LPAR1: variants seen among roughly 807,000 people sequenced by gnomAD.
LPAR1 encodes the protein LPA receptor 1.
LPAR1 carries 5 observed loss-of-function variants against 23.8 expected under a neutral mutation model. The observed-to-expected ratio is 0.21, with a 90% CI of 0.11 to 0.44. LPAR1 has a LOEUF of 0.44. LPAR1 is among the 20% of genes least tolerant of loss of function. The probability of loss-of-function intolerance (pLI) is 0.99; values close to 1 mark genes in which losing one functional copy is unlikely to be tolerated. For missense variants in LPAR1, 311 were observed against 482.8 expected (o/e 0.64, Z 3.33); for synonymous variants, 160 against 164.7 (o/e 0.97, Z 0.22).
chr9:110,893,891 G>A (rs1456571929), intron 5 of LPAR1, among the ~76,000 whole-genome samples: 11 of 152,012 alleles, frequency 7.2e-5, no homozygotes, highest in South Asian at 6.2e-4. Flanking sequence ...GGTCTAAGAC[G>A]GAGGAAAAAA....
intron 5 of LPAR1, among the ~76,000 whole-genome samples, chr9:110,907,041 C>T (rs901729797): frequency 6.6e-6 from 1 of 152,044 alleles, no homozygotes; most frequent in African/African-American, 2.4e-5. Flanking sequence ...CTACATGCAG[C>T]TAATTTCAAA....
chr9:110,961,952 T>C (rs990644970), intron 4 of LPAR1, among the ~76,000 whole-genome samples: 2 of 152,208 alleles, frequency 1.3e-5, no homozygotes, highest in Non-Finnish European at 2.9e-5. Flanking sequence ...AACCATATCA[T>C]GTATATTTGT....
chr9:110,984,270 C>T (rs911747825), intron 2 of LPAR1, among the ~76,000 whole-genome samples: 24 of 152,056 alleles, frequency 1.6e-4, no homozygotes, highest in Non-Finnish European at 2.5e-4. Context: ...AACTATCCTT[C>T]TATTCTCTGT....
chr9:110,965,748 C>T (rs7022750), intron 4 of LPAR1, among the ~76,000 whole-genome samples: 88,517 of 152,058 alleles, frequency 0.58, 26,352 homozygotes, highest in African/African-American at 0.68. Flanking sequence ...GAAATACCAT[C>T]TGACCCAGCA....
At chr9:110,995,640 C>A (rs1024414195) in intron 2 of LPAR1, among the ~76,000 whole-genome samples, 2 of 152,114 alleles carry the variant, frequency 1.3e-5, no homozygotes, top group Admixed American at 1.3e-4. Flanking sequence ...AAGTCACATA[C>A]GTGATTTTAC....
At chr9:110,963,924 C>A (rs1044073734) in intron 4 of LPAR1, among the ~76,000 whole-genome samples, 6 of 152,222 alleles carry the variant, frequency 3.9e-5, no homozygotes, top group African/African-American at 1.4e-4. Context: ...CCCGGGTCTA[C>A]GCCCATGCAT....
At chr9:110,944,609 T>C (rs943764619) in intron 4 of LPAR1, among the ~76,000 whole-genome samples, 3 of 152,152 alleles carry the variant, frequency 2.0e-5, no homozygotes, top group Admixed American at 1.3e-4. Flanking sequence ...AGCAGAGATA[T>C]ATGCAGCTTC....
intron 1 of LPAR1, among the ~76,000 whole-genome samples, chr9:111,037,122 G>A (rs537257504): frequency 2.4e-4 from 36 of 152,280 alleles, no homozygotes; most frequent in Non-Finnish European, 4.4e-4. Flanking sequence ...TACCAATTAT[G>A]CTTAGCTGAG....
At chr9:110,938,623 G>A (rs1161405787) in intron 5 of LPAR1, among the ~76,000 whole-genome samples, 1 of 151,732 alleles carries the variant, frequency 6.6e-6, no homozygotes, top group Non-Finnish European at 1.5e-5. Flanking sequence ...GGAGGCCAAG[G>A]CAGGAAGATC....
intron 4 of LPAR1, among the ~76,000 whole-genome samples, chr9:110,951,264 T>G (rs959818975): frequency 1.7e-4 from 26 of 152,050 alleles, no homozygotes; most frequent in African/African-American, 6.3e-4. Context: ...AAGAGGGGAA[T>G]ATTTCTAAAT....
intron 4 of LPAR1, among the ~76,000 whole-genome samples, chr9:110,969,342 T>C (rs1413396081): frequency 6.6e-6 from 1 of 152,220 alleles, no homozygotes. Flanking sequence ...AAGTACTATT[T>C]TGCGTCTTGC....
At chr9:110,902,789 T>A (rs1187257354) in intron 5 of LPAR1, among the ~76,000 whole-genome samples, 3 of 152,112 alleles carry the variant, frequency 2.0e-5, no homozygotes, top group Non-Finnish European at 4.4e-5. Flanking sequence ...AGAGGGGCAG[T>A]CCTCAGCACT....
intron 2 of LPAR1, among the ~76,000 whole-genome samples, chr9:110,976,606 T>C (rs1458306755): frequency 6.6e-6 from 1 of 152,152 alleles, no homozygotes; most frequent in Non-Finnish European, 1.5e-5. Flanking sequence ...GCTTCAAAAC[T>C]GTGTTCTAGC....
At chr9:110,885,318 G>C (rs546572421) in intron 5 of LPAR1, among the ~76,000 whole-genome samples, 1 of 152,238 alleles carries the variant, frequency 6.6e-6, no homozygotes, top group South Asian at 2.1e-4. Flanking sequence ...CTGAATAGAG[G>C]ACCCTCTTAA....
chr9:110,992,905 C>T (rs1199918875), intron 2 of LPAR1, among the ~76,000 whole-genome samples: 1 of 152,128 alleles, frequency 6.6e-6, no homozygotes, highest in African/African-American at 2.4e-5. Flanking sequence ...TCACCATCTT[C>T]ATTGCAGTGA....
At chr9:110,963,323 T>G (rs1478584664) in intron 4 of LPAR1, among the ~76,000 whole-genome samples, 1 of 152,228 alleles carries the variant, frequency 6.6e-6, no homozygotes, top group African/African-American at 2.4e-5. Context: ...TGAATTTAAA[T>G]TGCAATATGG....
chr9:110,912,288 G>C (rs958697949), intron 5 of LPAR1, among the ~76,000 whole-genome samples: 1 of 152,192 alleles, frequency 6.6e-6, no homozygotes, highest in Non-Finnish European at 1.5e-5. Flanking sequence ...TTACAGAATT[G>C]TGCAACTTGT....
chr9:110,942,155 T>C lies in LPAR1; in HGVS notation c.59A>G (p.Asn20Ser), dbSNP rs757912248. The part of the protein sequence containing the change: ...VISQPQFTAM[N>S]EPQCFYNESI... ...CTCGTTGTAGAAGCACTGTGGTTCA[T>C]TCATGGCTGTGAACTAAAAGAAAAA... The change falls in exon 5 of 6, where the codon AAT becomes AGT. Residue 20 changes from asparagine (N) to serine (S), a missense_variant. Coordinates refer to ENST00000683809, the MANE Select transcript of LPAR1 (RefSeq NM_001351411.2). 8 of 1,609,298 alleles carry C rather than the reference T, an allele frequency of 5.0e-6. No individual in the cohort carries two copies. The East Asian group carries it at 1.6e-4, about 31-fold the overall frequency.
intron 4 of LPAR1, among the ~76,000 whole-genome samples, chr9:110,966,776 T>C (rs2096242549): frequency 1.3e-5 from 2 of 152,136 alleles, no homozygotes; most frequent in South Asian, 2.1e-4. Context: ...ATCTTTTAGG[T>C]TTTCAGATAC....
Sources: gnomAD v4.1 joint callset for allele counts (sites outside exome capture counted in the v4.1 genomes callset) on GRCh38, gnomAD v4.1.1 for gene constraint, MANE v1.5 for transcripts, NCBI Gene and HGNC (gene_info 2026-07-23, HGNC 2026-07-21) for gene names.